Variants in RALGPS1 observed in about 807,000 individuals in gnomAD.
The protein encoded by RALGPS1 is Ral GEF with PH domain and SH3 binding motif 1.
RALGPS1 carries 19 observed loss-of-function variants against 78.8 expected under a neutral mutation model. The observed-to-expected ratio is 0.24, with a 90% CI of 0.17 to 0.35. The LOEUF (loss-of-function observed/expected upper bound fraction) is 0.35. Among genes scored for constraint, RALGPS1 ranks in the 10% least tolerant of loss-of-function variants. The probability of loss-of-function intolerance (pLI) is 1.00; values close to 1 mark genes in which losing one functional copy is unlikely to be tolerated. For missense variants in RALGPS1, 454 were observed against 688.3 expected, an observed-to-expected ratio of 0.66 and a Z score of 3.81; for synonymous variants, 228 against 256.3, an observed-to-expected ratio of 0.89 and a Z score of 1.06.
intron 1 of RALGPS1, among the ~76,000 whole-genome samples, chr9:126,953,446 G>A (rs553328539): frequency 2.0e-5 from 3 of 152,142 alleles, no homozygotes; most frequent in East Asian, 1.9e-4. Flanking sequence ...AAAGAATGGC[G>A]TTTTTGGTGC....
chr9:126,955,225 G>A (rs1364013874), intron 1 of RALGPS1, among the ~76,000 whole-genome samples: 1 of 152,158 alleles, frequency 6.6e-6, no homozygotes, highest in Non-Finnish European at 1.5e-5. Context: ...TAGAATATAA[G>A]TTCCGTGGCA....
intron 1 of RALGPS1, among the ~76,000 whole-genome samples, chr9:126,956,431 C>T (rs1053230069): frequency 3.3e-5 from 5 of 152,160 alleles, no homozygotes; most frequent in Admixed American, 2.6e-4. Context: ...GTCTGAGAGT[C>T]GCTGCCCATA....
At chr9:126,996,441 A>G (rs555445472) in intron 4 of RALGPS1, among the ~76,000 whole-genome samples, 1 of 152,372 alleles carries the variant, frequency 6.6e-6, no homozygotes, top group African/African-American at 2.4e-5. Context: ...GAAGAAATGG[A>G]TAAATTCCTT....
In RALGPS1 at chr9:127,218,885, G is replaced by A; in HGVS notation, c.*116G>A. The A allele has an allele frequency of 8.5e-7, 1 of 1,177,384 alleles. No individual in the cohort carries two copies. The allele number at this position is 1,177,384 out of a possible 1,614,324, so 72.9% of individuals were successfully genotyped here. A position where few individuals can be genotyped will look rare whatever the true frequency, so the allele number is the denominator to read the frequency against. On this transcript the variant is annotated 3_prime_UTR_variant, in exon 19 of 19. Coordinates refer to ENST00000259351, the MANE Select transcript of RALGPS1 (RefSeq NM_014636.3). This position sits in a 1 kb window ranked among gnomAD's most constrained non-coding sequence, Gnocchi z 4.4. The stretch of plus-strand genomic sequence containing the variant: ...CCAGGGTGCTGGGAAACTCACAGCT[G>A]GACTCAGGGGACACGGCCTGTGGCC...
chr9:126,961,916 A>T (rs2038933630), intron 1 of RALGPS1, among the ~76,000 whole-genome samples: 1 of 152,226 alleles, frequency 6.6e-6, no homozygotes, highest in Non-Finnish European at 1.5e-5. Context: ...GGCAGCCACC[A>T]CTCAGCTGGC....
intron 6 of RALGPS1, 96 bp from the exon 7 acceptor site, chr9:127,052,751 T>C: frequency 1.3e-6 from 1 of 774,926 alleles, no homozygotes; most frequent in Non-Finnish European, 2.2e-6. Context: ...TTAAGTGTAA[T>C]TGAATTTCAT....
intron 7 of RALGPS1, among the ~76,000 whole-genome samples, chr9:127,055,748 C>T (rs2048690413): frequency 6.6e-6 from 1 of 152,224 alleles, no homozygotes; most frequent in Admixed American, 6.5e-5. Context: ...TTCCAGCTTA[C>T]TCCCTGTCAG....
intron 4 of RALGPS1, among the ~76,000 whole-genome samples, chr9:127,022,748 A>C (rs999575810): frequency 6.6e-6 from 1 of 152,142 alleles, no homozygotes; most frequent in African/African-American, 2.4e-5. Context: ...CCTGCAGAGC[A>C]TGCTCCTTTA....
intron 9 of RALGPS1, among the ~76,000 whole-genome samples, chr9:127,167,157 G>A (rs183553387): frequency 3.3e-5 from 5 of 152,330 alleles, no homozygotes; most frequent in South Asian, 2.1e-4. Flanking sequence ...CTTGCTGTGC[G>A]TAGGGTGTGA....
intron 5 of RALGPS1, among the ~76,000 whole-genome samples, chr9:127,040,110 G>C (rs1238073919): frequency 2.6e-5 from 4 of 152,070 alleles, no homozygotes; most frequent in Admixed American, 1.3e-4. Context: ...CAAAGAAAAG[G>C]CTGAAGTAGG....
At chr9:127,042,053 A>T (rs183512470) in intron 5 of RALGPS1, among the ~76,000 whole-genome samples, 1 of 152,280 alleles carries the variant, frequency 6.6e-6, no homozygotes, top group East Asian at 1.9e-4. Context: ...TTTGTGGCAA[A>T]AGTAGATTTT....
At chr9:126,988,740 A>G (rs1464909002) in intron 4 of RALGPS1, among the ~76,000 whole-genome samples, 2 of 152,202 alleles carry the variant, frequency 1.3e-5, no homozygotes, top group African/African-American at 4.8e-5. Flanking sequence ...GCCTGATGTT[A>G]TACTGGTTGT....
At chr9:127,121,247 A>AT (rs1050363172) in intron 8 of RALGPS1, among the ~76,000 whole-genome samples, 1 of 152,198 alleles carries the variant, frequency 6.6e-6, no homozygotes, top group Non-Finnish European at 1.5e-5. Context: ...GGGCAGTATT[A>AT]TCCCATTTCA....
chr9:126,945,581 A>T lies in RALGPS1; in HGVS notation c.-65-16644A>T, dbSNP rs188954590. 3.3e-5 allele frequency among the ~76,000 whole-genome samples: 5 copies of T among 152,056 alleles called. No individual in the cohort carries two copies. The East Asian group carries it at 9.7e-4, about 29-fold the overall frequency. On this transcript the variant is annotated intron_variant, in intron 1 of 18. Transcript: ENST00000259351. ...TAGAAGTCTTCCTCAGGCACCTCAA[A>T]ACCCCAGCTTCAATCTGCTGCCCTC...
At chr9:127,200,524 A>T (rs2061576778) in intron 14 of RALGPS1, among the ~76,000 whole-genome samples, 1 of 152,356 alleles carries the variant, frequency 6.6e-6, no homozygotes, top group South Asian at 2.1e-4. Context: ...ACTGCTCCAC[A>T]GCTTGGCCAG....
intron 4 of RALGPS1, among the ~76,000 whole-genome samples, chr9:127,033,360 G>A (rs1231476228): frequency 2.0e-5 from 3 of 152,124 alleles, no homozygotes; most frequent in Non-Finnish European, 4.4e-5. Context: ...TTTGACAGGC[G>A]TGGCCCTTCA....
intron 1 of RALGPS1, among the ~76,000 whole-genome samples, chr9:126,952,263 G>A (rs368052575): frequency 7.9e-5 from 12 of 152,266 alleles, no homozygotes; most frequent in African/African-American, 2.9e-4. Context: ...GGACTCAGTG[G>A]TGCCTCCTCA....
At position 127,196,598 on chromosome 9, in the gene RALGPS1, T is replaced by A. The variant is rs1013573378; in HGVS notation, c.1162T>A (p.Ser388Thr). 2.5e-6 allele frequency: 4 copies of A among 1,611,638 alleles called. No individual in the cohort carries two copies. The Admixed American group carries it at 5.0e-5, about 20-fold the overall frequency. ...CCCCCGAAGGGGCCTGGCTCTGACCTCCTCCTCTGCTGTCACCAATGGACT... is the reference window on the plus strand; with the variant it reads ...CCCCCGAAGGGGCCTGGCTCTGACCACCTCCTCTGCTGTCACCAATGGACT... The part of the protein sequence containing the change: ...RSPRRGLALT[S>T]SSAVTNGLSL... The change falls in exon 13 of 19, where the codon TCC (serine) becomes ACC (threonine). Residue 388 changes from serine (S) to threonine (T), a missense_variant. Physicochemically the swap from Ser to Thr is moderately conservative, Grantham distance 58. Coordinates refer to ENST00000259351, the MANE Select transcript of RALGPS1 (RefSeq NM_014636.3).
intron 4 of RALGPS1, among the ~76,000 whole-genome samples, chr9:126,994,216 T>A (rs1376431500): frequency 6.6e-6 from 1 of 152,044 alleles, no homozygotes; most frequent in Non-Finnish European, 1.5e-5. Flanking sequence ...AGGCTTCAGA[T>A]GATCAAACTA....
Sources: allele counts gnomAD v4.1 joint callset (sites outside exome capture counted in the v4.1 genomes callset), GRCh38; gene constraint gnomAD v4.1.1; non-coding constraint Gnocchi (gnomAD v3.1); transcripts MANE v1.5; gene names NCBI Gene and HGNC (gene_info 2026-07-23, HGNC 2026-07-21).